Variants in PLD5 observed in about 807,000 individuals in gnomAD.
The protein encoded by PLD5 is phospholipase D family member 5, also known as inactive phospholipase D5.
Under a neutral mutation model 61.1 loss-of-function variants are expected in PLD5, and 36 were observed. The ratio of observed to expected loss-of-function variants is 0.59; its 90% confidence interval spans 0.45 to 0.78. The LOEUF (loss-of-function observed/expected upper bound fraction) is 0.78, where lower values mean the gene tolerates loss of function less well. Ranked by LOEUF, PLD5 falls within the 30% of genes least tolerant of loss-of-function variation. The pLI is 0.00. For synonymous variants in PLD5, 243 were observed against 242.8 expected (o/e 1.00, Z -0.01); for missense variants, 515 against 644.4 (o/e 0.80, Z 2.17).
At chr1:242,152,682 A>T (rs1665022704) in intron 5 of PLD5, among the ~76,000 whole-genome samples, 1 of 152,154 alleles carries the variant, frequency 6.6e-6, no homozygotes, top group Non-Finnish European at 1.5e-5. Context: ...AAAGGACATG[A>T]ACTCATCCTT....
chr1:242,215,391 A>G (rs1357879245), intron 5 of PLD5, among the ~76,000 whole-genome samples: 3 of 152,116 alleles, frequency 2.0e-5, no homozygotes, highest in Non-Finnish European at 4.4e-5. Flanking sequence ...CTCAAAAAAC[A>G]AAAAGGGGGG....
In PLD5 at chr1:242,085,961, T is replaced by C. The variant is rs1161422491; in HGVS notation, c.*3893A>G. ...CTTATCAAGAAATTCTTATGGTCTT[T>C]TCTCCCCCCTTGGAATTTAGTTCAA... On this transcript the variant is annotated 3_prime_UTR_variant, in exon 10 of 10. Transcript: ENST00000536534. The C allele has an allele frequency of 6.6e-6, 1 of 152,166 alleles. No individual in the cohort carries two copies. The highest frequency in any genetic ancestry group is 1.5e-5 in the Non-Finnish European group (1 of 68,028). 9.4% of individuals were successfully genotyped at this position (152,166 alleles called of 1,614,324 possible).
chr1:242,384,444 A>G (rs1018720646), intron 1 of PLD5, among the ~76,000 whole-genome samples: 1 of 152,220 alleles, frequency 6.6e-6, no homozygotes, highest in African/African-American at 2.4e-5. Flanking sequence ...TCATAGTCAC[A>G]TCAAATTTCG....
intron 2 of PLD5, among the ~76,000 whole-genome samples, chr1:242,323,186 A>T (rs563096290): frequency 2.8e-4 from 42 of 152,280 alleles, no homozygotes; most frequent in Admixed American, 2.7e-3. Flanking sequence ...GAAGAAACTG[A>T]AAATAGAGAC....
At chr1:242,218,059 A>G (rs1670324006) in intron 5 of PLD5, among the ~76,000 whole-genome samples, 2 of 152,246 alleles carry the variant, frequency 1.3e-5, no homozygotes, top group Non-Finnish European at 2.9e-5. Flanking sequence ...ACCACATGCT[A>G]CAGAGACATC....
intron 3 of PLD5, among the ~76,000 whole-genome samples, chr1:242,269,877 C>CAG: frequency 1.3e-5 from 2 of 152,196 alleles, no homozygotes; most frequent in African/African-American, 4.8e-5. Context: ...ACTGCCGGTT[C>CAG]TCAATTCCCC....
At chr1:242,175,125 A>G (rs1171101804) in intron 5 of PLD5, among the ~76,000 whole-genome samples, 1 of 152,196 alleles carries the variant, frequency 6.6e-6, no homozygotes, top group Non-Finnish European at 1.5e-5. Flanking sequence ...TCCTGATACC[A>G]AAACCAGGCA....
intron 2 of PLD5, among the ~76,000 whole-genome samples, chr1:242,327,150 C>A (rs1658845806): frequency 6.6e-6 from 1 of 151,762 alleles, no homozygotes; most frequent in South Asian, 2.1e-4. Context: ...CAAGCGTGAG[C>A]CACCACGCCT....
intron 1 of PLD5, among the ~76,000 whole-genome samples, chr1:242,398,243 A>T (rs960986232): frequency 6.6e-6 from 1 of 152,150 alleles, no homozygotes; most frequent in Non-Finnish European, 1.5e-5. Context: ...AGACATACAG[A>T]TTATCATATG....
chr1:242,304,690 G>A (rs1289121229), intron 2 of PLD5, among the ~76,000 whole-genome samples: 6 of 152,058 alleles, frequency 3.9e-5, no homozygotes, highest in Admixed American at 1.3e-4. Flanking sequence ...TTTAAAATCC[G>A]GTATTTTTTC....
At chr1:242,341,338 G>A (rs1340016516) in intron 2 of PLD5, among the ~76,000 whole-genome samples, 2 of 152,156 alleles carry the variant, frequency 1.3e-5, no homozygotes, top group South Asian at 2.1e-4. Flanking sequence ...TCTCTCAATA[G>A]TGTCTTCTAG....
chr1:242,385,609 C>G (rs140966596), intron 1 of PLD5, among the ~76,000 whole-genome samples: 1 of 152,114 alleles, frequency 6.6e-6, no homozygotes, highest in Admixed American at 6.6e-5. Flanking sequence ...TTGACTCCGC[C>G]GGACTTTGTC....
At chr1:242,394,969 T>TTATATATATGAATATATAAA (rs1491565789) in intron 1 of PLD5, among the ~76,000 whole-genome samples, 1 of 60,446 alleles carries the variant, frequency 1.7e-5, no homozygotes. Flanking sequence ...ATATATATGA[T>TTATATATATGAATATATAAA]TATATATGAA....
chr1:242,140,567 G>A (rs74477816), intron 5 of PLD5, among the ~76,000 whole-genome samples: 4,354 of 152,232 alleles, frequency 0.029, 215 homozygotes, highest in African/African-American at 0.099. Flanking sequence ...AGCCCAGGGG[G>A]TTGAGGTTGC....
At chr1:242,245,512 C>T (rs755557500) in intron 4 of PLD5, among the ~76,000 whole-genome samples, 2 of 152,208 alleles carry the variant, frequency 1.3e-5, no homozygotes, top group African/African-American at 2.4e-5. Flanking sequence ...TTGGAGAAAG[C>T]AGAAGTTTGG....
chr1:242,395,324 A>G (rs936565307), intron 1 of PLD5, among the ~76,000 whole-genome samples: 9 of 151,918 alleles, frequency 5.9e-5, no homozygotes, highest in Non-Finnish European at 1.2e-4. Flanking sequence ...TTTGTTTTCT[A>G]CCTGTTCTTT....
chr1:242,142,140 C>T (rs977314345), intron 5 of PLD5, among the ~76,000 whole-genome samples: 1 of 152,170 alleles, frequency 6.6e-6, no homozygotes, highest in Non-Finnish European at 1.5e-5. Flanking sequence ...AGGTTTTGGC[C>T]TCCTCTTCAT....
At chr1:242,245,962 T>TC (rs1672330364) in intron 4 of PLD5, among the ~76,000 whole-genome samples, 1 of 152,188 alleles carries the variant, frequency 6.6e-6, no homozygotes. Flanking sequence ...AAAAATGTTT[T>TC]AAAGTACCTA....
chr1:242,371,127 G>A (rs549926399), intron 1 of PLD5, among the ~76,000 whole-genome samples: 7 of 152,222 alleles, frequency 4.6e-5, no homozygotes, highest in African/African-American at 1.2e-4. Flanking sequence ...GATTGACTTC[G>A]GGTGTAACTG....
Sources: allele counts gnomAD v4.1 joint callset (sites outside exome capture counted in the v4.1 genomes callset), GRCh38; gene constraint gnomAD v4.1.1; transcripts MANE v1.5; gene names NCBI Gene and HGNC (gene_info 2026-07-23, HGNC 2026-07-21).